KCNB2: variants seen among roughly 807,000 people sequenced by gnomAD.
KCNB2 encodes the protein potassium voltage-gated channel subfamily B member 2, also known as delayed rectifier potassium channel protein.
KCNB2 carries 15 observed loss-of-function variants against 61.5 expected under a neutral mutation model. The ratio of observed to expected loss-of-function variants is 0.24; its 90% CI spans 0.16 to 0.38. KCNB2 has a LOEUF of 0.38. KCNB2 is among the 10% of genes least tolerant of loss of function. KCNB2 has a pLI of 1.00. For missense variants in KCNB2, 828 were observed against 1,125.2 expected, an observed-to-expected ratio of 0.74 and a Z score of 3.78; for synonymous variants, 457 against 446.0, an observed-to-expected ratio of 1.02 and a Z score of -0.31.
At chr8:72,778,733 C>CCA (rs1808700570) in intron 2 of KCNB2, among the ~76,000 whole-genome samples, 1 of 14,172 alleles carries the variant, frequency 7.1e-5, no homozygotes, top group Non-Finnish European at 1.1e-4. Flanking sequence ...ACAGAGCGAG[C>CCA]AAAAAAAAAA....
In KCNB2 at chr8:72,689,844, T is replaced by TA. The variant is rs1300131713; in HGVS notation, c.579+121540dup. Among the ~76,000 whole-genome samples, 6 of 151,746 alleles carry TA rather than the reference T, an allele frequency of 4.0e-5. No homozygotes were observed. The South Asian group carries it at 8.3e-4, about 21-fold the overall frequency. Reference sequence around the variant, plus strand: ...CTTTTTGTGCTAAGAACTTTGGAATTAAAAAAAAACTTCTTCTGATCGTGA... The same window carrying TA: ...CTTTTTGTGCTAAGAACTTTGGAATTAAAAAAAAAACTTCTTCTGATCGTGA... On this transcript the variant is annotated intron_variant, in intron 2 of 2. Transcript: ENST00000523207.
chr8:72,802,190 T>G (rs1186596697), intron 2 of KCNB2, among the ~76,000 whole-genome samples: 2 of 152,202 alleles, frequency 1.3e-5, no homozygotes, highest in Non-Finnish European at 2.9e-5. Context: ...GCTGAATATT[T>G]TTCAGCAACT....
chr8:72,905,208 C>T (rs1806156416), intron 2 of KCNB2, among the ~76,000 whole-genome samples: 1 of 152,140 alleles, frequency 6.6e-6, no homozygotes, highest in Admixed American at 6.6e-5. Flanking sequence ...TTTTAAAGCT[C>T]ACCGCAGACT....
chr8:72,601,236 C>T (rs1471873843), intron 2 of KCNB2, among the ~76,000 whole-genome samples: 1 of 152,192 alleles, frequency 6.6e-6, no homozygotes, highest in Admixed American at 6.5e-5. Flanking sequence ...TTTATAACAT[C>T]GGCCTTATAT....
At chr8:72,922,799 A>G (rs1437315387) in intron 2 of KCNB2, among the ~76,000 whole-genome samples, 4 of 152,172 alleles carry the variant, frequency 2.6e-5, no homozygotes, top group Non-Finnish European at 5.9e-5. Context: ...CTGTAAACCA[A>G]AAAGGATCTG....
At chr8:72,656,541 A>G (rs1265341954) in intron 2 of KCNB2, among the ~76,000 whole-genome samples, 2 of 152,168 alleles carry the variant, frequency 1.3e-5, no homozygotes, top group Admixed American at 6.6e-5. Context: ...TTGTACATGT[A>G]TAATCTCTCT....
At chr8:72,792,415 C>G (rs1326583578) in intron 2 of KCNB2, among the ~76,000 whole-genome samples, 1 of 152,174 alleles carries the variant, frequency 6.6e-6, no homozygotes, top group Non-Finnish European at 1.5e-5. Flanking sequence ...AAGGTAAAAA[C>G]TAACCATCTT....
chr8:72,637,340 C>G (rs971926918), intron 2 of KCNB2, among the ~76,000 whole-genome samples: 8 of 152,196 alleles, frequency 5.3e-5, no homozygotes, highest in Non-Finnish European at 8.8e-5. Context: ...GCAAGTTGCA[C>G]TAGGAGATTT....
chr8:72,681,592 G>A (rs1806756000), intron 2 of KCNB2, among the ~76,000 whole-genome samples: 1 of 152,112 alleles, frequency 6.6e-6, no homozygotes. Context: ...TAAATAAGTA[G>A]ATGTACCCTC....
chr8:72,804,856 G>A (rs759494090), intron 2 of KCNB2, among the ~76,000 whole-genome samples: 13 of 152,182 alleles, frequency 8.5e-5, no homozygotes, highest in African/African-American at 9.7e-5. Flanking sequence ...GAATGGGTAC[G>A]TCAGGATTGG....
rs779284283 is a variant in KCNB2, at chr8:72,936,918, C to T, written c.1563C>T (p.His521=). The change falls in exon 3 of 3, where the codon CAC becomes CAT. Residue 521 remains histidine (H), a synonymous_variant. Coordinates refer to ENST00000523207, the MANE Select transcript of KCNB2 (RefSeq NM_004770.3). The surrounding 1 kb of genome is among the most constrained non-coding windows in gnomAD (Gnocchi z 5.6). The part of the protein sequence containing the change: ...KYQEVSQKDS[H]EQLNNTSSSS... ...AGGAGGTTAGCCAAAAAGACTCCCA[C>T]GAGCAGCTGAACAACACGTCTTCCT... The T allele has an allele frequency of 1.2e-6, 2 of 1,614,136 alleles. No homozygotes were observed. The highest frequency in any genetic ancestry group is 1.7e-5 in the Admixed American group (1 of 60,010).
At chr8:72,917,892 T>C (rs1806433324) in intron 2 of KCNB2, among the ~76,000 whole-genome samples, 1 of 152,128 alleles carries the variant, frequency 6.6e-6, no homozygotes, top group African/African-American at 2.4e-5. Flanking sequence ...GTGAAGGCAA[T>C]GGTTGCTTGG....
intron 2 of KCNB2, chr8:72,881,730 A>C (rs934037481): frequency 1.3e-5 from 2 of 152,230 alleles, no homozygotes; most frequent in Non-Finnish European, 2.9e-5. Context: ...GAGAGGGAAG[A>C]AGAGAAAAAA....
At chr8:72,585,601 C>T (rs1464266146) in intron 2 of KCNB2, among the ~76,000 whole-genome samples, 2 of 152,198 alleles carry the variant, frequency 1.3e-5, no homozygotes, top group Non-Finnish European at 2.9e-5. Flanking sequence ...CTCCTGGCCT[C>T]AAGTGATCCT....
At chr8:72,585,151 C>G (rs1258087111) in intron 2 of KCNB2, among the ~76,000 whole-genome samples, 1 of 152,126 alleles carries the variant, frequency 6.6e-6, no homozygotes, top group Non-Finnish European at 1.5e-5. Context: ...AAATAGGGAG[C>G]ACTAAATAAG....
intron 2 of KCNB2, among the ~76,000 whole-genome samples, chr8:72,912,076 C>A (rs2129007517): frequency 6.6e-6 from 1 of 152,302 alleles, no homozygotes; most frequent in East Asian, 1.9e-4. Context: ...ATATTCTAAT[C>A]AAACTTGTTT....
intron 2 of KCNB2, among the ~76,000 whole-genome samples, chr8:72,783,850 T>C (rs1229859253): frequency 1.3e-5 from 2 of 152,182 alleles, no homozygotes; most frequent in Admixed American, 1.3e-4. Context: ...TCTGTGAACA[T>C]GCCCTGATAT....
intron 2 of KCNB2, among the ~76,000 whole-genome samples, chr8:72,851,094 G>A (rs1050570675): frequency 1.0e-3 from 8 of 7,632 alleles, no homozygotes; most frequent in Non-Finnish European, 7.3e-3. Context: ...CTTCCTAGAA[G>A]CTAAAGCTAA....
chr8:72,868,179 C>T (rs370693700), intron 2 of KCNB2, among the ~76,000 whole-genome samples: 5 of 151,200 alleles, frequency 3.3e-5, no homozygotes, highest in African/African-American at 9.7e-5. Context: ...TCAAGGAATC[C>T]GCCTGCCTCA....
Sources: gnomAD v4.1 joint callset for allele counts (sites outside exome capture counted in the v4.1 genomes callset) on GRCh38, gnomAD v4.1.1 for gene constraint, Gnocchi (gnomAD v3.1) non-coding constraint, MANE v1.5 for transcripts, NCBI Gene and HGNC (gene_info 2026-07-23, HGNC 2026-07-21) for gene names.